Variants in CCNT2 observed in about 807,000 individuals in gnomAD.
CCNT2 encodes cyclin-T2.
In CCNT2, 18 loss-of-function variants were observed where a neutral mutation model predicts 70.0. The ratio of observed to expected loss-of-function variants is 0.26; its 90% CI spans 0.18 to 0.38. The LOEUF is 0.38. CCNT2 is among the 10% of genes least tolerant of loss of function. The pLI is 1.00. For synonymous variants in CCNT2, 334 were observed against 313.3 expected, an observed-to-expected ratio of 1.07 and a Z score of -0.70; for missense variants, 734 against 890.2, an observed-to-expected ratio of 0.82 and a Z score of 2.23.
chr2:134,922,589 A>G (rs1300988210), intron 2 of CCNT2, among the ~76,000 whole-genome samples: 1 of 152,170 alleles, frequency 6.6e-6, no homozygotes, highest in Non-Finnish European at 1.5e-5. Context: ...AGATGCAATG[A>G]GGTTCATGTA....
intron 5 of CCNT2, chr2:134,945,883 T>A: frequency 1.3e-6 from 2 of 1,513,264 alleles, no homozygotes; most frequent in Non-Finnish European, 1.8e-6. Flanking sequence ...TCGGCTTGTT[T>A]CTCAGATCTT....
chr2:134,919,720 A>G, intron 1 of CCNT2, 90 bp from the exon 2 acceptor site: 2 of 982,148 alleles, frequency 2.0e-6, no homozygotes, highest in South Asian at 1.5e-5. Flanking sequence ...AATGGGAGGT[A>G]TTGGAAAAGA....
In CCNT2 at chr2:134,936,821, G is replaced by A. The variant is rs1210124097; in HGVS notation, c.241-20G>A. ...AAATGTATTTGTTCTTAAATGACCA[G>A]AGTTTTATCTTTTCTGCAGATAATA... is the stretch of plus-strand genomic sequence containing the variant. On this transcript the variant is annotated intron_variant, in intron 2 of 8. Transcript: ENST00000264157. 1 of 1,593,598 alleles carries A rather than the reference G, an allele frequency of 6.3e-7. No homozygotes were observed. Among genetic ancestry groups the A allele is most frequent in the Non-Finnish European group, 8.5e-7 (1 of 1,171,392 alleles).
intron 5 of CCNT2, chr2:134,942,923 T>A: frequency 1.0e-6 from 1 of 985,214 alleles, no homozygotes; most frequent in East Asian, 1.1e-4. Context: ...CTTCCAAGTA[T>A]TAGGACTCTA....
intron 6 of CCNT2, among the ~76,000 whole-genome samples, chr2:134,947,026 C>T (rs563773915): frequency 2.0e-5 from 3 of 152,212 alleles, no homozygotes; most frequent in East Asian, 3.9e-4. Flanking sequence ...TAATTCTGAA[C>T]AGCAACATAA....
At position 134,931,262 on chromosome 2, in the gene CCNT2, C is replaced by CTTTTTTTTTTTTTTTTTTTTTT. The variant is rs112471982; in HGVS notation, c.241-5575_241-5554dup. ...CAGGCATAAGCCACCATGCCCGGAT[C>CTTTTTTTTTTTTTTTTTTTTTT]TTTTTTTTTTTTTTTTTTTTTTTTT... On this transcript the variant is annotated intron_variant, in intron 2 of 8. Transcript: ENST00000264157. 2.1e-3 allele frequency among the ~76,000 whole-genome samples: 90 copies of CTTTTTTTTTTTTTTTTTTTTTT among 42,416 alleles called. 12 individuals carry two copies. Among genetic ancestry groups the CTTTTTTTTTTTTTTTTTTTTTT allele is most frequent in the East Asian group, 0.011 (6 of 532 alleles). The allele number at this position is 42,416 out of a possible 152,430, so 27.8% of individuals were successfully genotyped here. A position where few individuals can be genotyped will look rare whatever the true frequency, so the allele number is the denominator to read the frequency against.
In CCNT2 at chr2:134,953,876, G is replaced by A. The variant is rs1682724124; in HGVS notation, c.1421G>A (p.Ser474Asn). The A allele has an allele frequency of 1.9e-6, 3 of 1,614,058 alleles. No individual in the cohort carries two copies. Among genetic ancestry groups the A allele is most frequent in the Non-Finnish European group, 2.5e-6 (3 of 1,180,004 alleles). Residue 474 changes from serine (S) to asparagine (N), a missense_variant, in exon 9 of 9, where the codon AGC becomes AAC. Ser to Asn is a conservative substitution (Grantham distance 46). Transcript: ENST00000264157. ...QHKQGQSQAA[S>N]SSSVTSPIKM... ...AAACAAGGGCAGTCACAGGCAGCCAGCAGCAGTTCTGTTACTTCTCCCATT... is the reference window on the plus strand; with the variant it reads ...AAACAAGGGCAGTCACAGGCAGCCAACAGCAGTTCTGTTACTTCTCCCATT...
At chr2:134,945,742 C>T (rs1379238786) in intron 5 of CCNT2, 1 of 1,298,552 alleles carries the variant, frequency 7.7e-7, no homozygotes, top group East Asian at 5.2e-5. Context: ...TTGTATTAGA[C>T]TTCAAAATCT....
intron 2 of CCNT2, among the ~76,000 whole-genome samples, chr2:134,931,281 T>C (rs986731737): frequency 6.3e-5 from 9 of 142,640 alleles, no homozygotes; most frequent in Non-Finnish European, 1.2e-4. Flanking sequence ...TTTTTTTTTT[T>C]TTTTTTGGTA....
chr2:134,953,497 C>T lies in CCNT2; in HGVS notation c.1042C>T (p.His348Tyr). The T allele has an allele frequency of 6.2e-7, 1 of 1,614,220 alleles. No individual in the cohort carries two copies. The highest frequency in any genetic ancestry group is 1.3e-5 in the African/African-American group (1 of 75,066). The change falls in exon 9 of 9, where the codon CAC (histidine) becomes TAC (tyrosine). Residue 348 changes from histidine (H) to tyrosine (Y), a missense_variant. His to Tyr is a moderately conservative substitution (Grantham distance 83). Transcript: ENST00000264157. ...AAGTACTTCATACGGTTTATCATCA[C>T]ACCAGGAATGGCCTCAACATCAAGA... is the stretch of plus-strand genomic sequence containing the variant. ...MPSTSYGLSS[H>Y]QEWPQHQDSA... is the part of the protein sequence containing the mutation.
chr2:134,949,246 G>C (rs1243313252), intron 7 of CCNT2, among the ~76,000 whole-genome samples: 3 of 151,830 alleles, frequency 2.0e-5, no homozygotes, highest in Admixed American at 1.3e-4. Context: ...CCTCCCAAAG[G>C]GCTGGGATTA....
intron 2 of CCNT2, among the ~76,000 whole-genome samples, chr2:134,924,630 A>G (rs1276782540): frequency 2.0e-5 from 3 of 152,034 alleles, no homozygotes; most frequent in Non-Finnish European, 4.4e-5. Context: ...TTGTATTTTT[A>G]GTAGAGACGG....
Position 134,940,645 on chromosome 2 carries a change from G to C in CCNT2, c.430+1583G>C, listed in dbSNP as rs185305025. On this transcript the variant is annotated intron_variant, in intron 4 of 8. Transcript: ENST00000264157. The stretch of plus-strand genomic sequence containing the variant: ...GAGCTCACATGTTATGAGTATCCAC[G>C]TAAAATGCTGTGTGACACCTGTCAT... Among the ~76,000 whole-genome samples the C allele has an allele frequency of 3.6e-3, 551 of 152,264 alleles. 3 individuals are homozygous for C. The highest frequency in any genetic ancestry group is 4.3e-3 in the Non-Finnish European group (291 of 68,010).
intron 2 of CCNT2, among the ~76,000 whole-genome samples, chr2:134,931,284 T>TTTTTTTTTTTTTTTTTTTTTC (rs1300472053): frequency 6.9e-6 from 1 of 145,130 alleles, no homozygotes; most frequent in South Asian, 2.4e-4. Flanking sequence ...TTTTTTTTTT[T>TTTTTTTTTTTTTTTTTTTTTC]TTTGGTATTT....
chr2:134,927,128 G>T (rs1246711120), intron 2 of CCNT2, among the ~76,000 whole-genome samples: 1 of 152,146 alleles, frequency 6.6e-6, no homozygotes, highest in African/African-American at 2.4e-5. Flanking sequence ...AAGAATATAT[G>T]ATATTTTTGA....
At chr2:134,923,170 A>C (rs1270223805) in intron 2 of CCNT2, among the ~76,000 whole-genome samples, 1 of 152,164 alleles carries the variant, frequency 6.6e-6, no homozygotes, top group Non-Finnish European at 1.5e-5. Context: ...AATCCCAGCT[A>C]CTGGGGAGGC....
At chr2:134,936,232 T>G (rs1057023122) in intron 2 of CCNT2, among the ~76,000 whole-genome samples, 2 of 152,050 alleles carry the variant, frequency 1.3e-5, no homozygotes, top group Non-Finnish European at 2.9e-5. Context: ...TTAATATTAT[T>G]TAAACTTTCT....
intron 2 of CCNT2, among the ~76,000 whole-genome samples, chr2:134,936,147 TC>T (rs567241005): frequency 9.9e-4 from 142 of 143,720 alleles, no homozygotes; most frequent in African/African-American, 3.4e-3. Flanking sequence ...GATCCGCTTT[TC>T]ATCTTTTTTT....
Position 134,955,917 on chromosome 2 carries a change from AG to A in CCNT2, c.*1270del, listed in dbSNP as rs1682894954. On this transcript the variant is annotated 3_prime_UTR_variant, in exon 9 of 9. Coordinates refer to ENST00000264157, the MANE Select transcript of CCNT2 (RefSeq NM_058241.3). ...AAAAGGTCAGCCTCCCAGGCAAACC[AG>A]TAGTGGAGGTTTTACATTTGTTTGC... is the stretch of plus-strand genomic sequence containing the variant. 6.5e-6 allele frequency: 1 copy of A among 152,680 alleles called. No homozygotes were observed. Among genetic ancestry groups the A allele is most frequent in the Non-Finnish European group, 1.5e-5 (1 of 68,038 alleles). The allele number at this position is 152,680 out of a possible 1,614,324, so 9.5% of individuals were successfully genotyped here. A position where few individuals can be genotyped will look rare whatever the true frequency, so the allele number is the denominator to read the frequency against.
Sources: allele counts gnomAD v4.1 joint callset (sites outside exome capture counted in the v4.1 genomes callset), GRCh38; gene constraint gnomAD v4.1.1; transcripts MANE v1.5; gene names NCBI Gene and HGNC (gene_info 2026-07-23, HGNC 2026-07-21).